Variants in GPR161 observed in about 807,000 individuals in gnomAD.
GPR161 encodes G protein-coupled receptor 161, also known as G-protein coupled receptor RE2.
Under a neutral mutation model 39.2 loss-of-function variants are expected in GPR161, and 25 were observed. The observed-to-expected ratio is 0.64, with a 90% confidence interval of 0.47 to 0.89. The LOEUF (loss-of-function observed/expected upper bound fraction) is 0.89, where lower values mean the gene tolerates loss of function less well. GPR161 is among the 40% of genes least tolerant of loss of function. GPR161 has a pLI of 0.00. For missense variants in GPR161, 547 were observed against 677.8 expected, an observed-to-expected ratio of 0.81 and a Z score of 2.14; for synonymous variants, 286 against 276.6, an observed-to-expected ratio of 1.03 and a Z score of -0.34.
chr1:168,096,451 A>G lies in GPR161; in HGVS notation c.1099+57T>C, dbSNP rs114884205. On this transcript the variant is annotated intron_variant, in intron 3 of 5. Transcript: ENST00000682931. Reference sequence around the variant, plus strand: ...ACCCACAAACAGGCCAGAGTGGCTGAGAGGACCACAGATTTCATCTGCCTC... The same window carrying G: ...ACCCACAAACAGGCCAGAGTGGCTGGGAGGACCACAGATTTCATCTGCCTC... 7,559 of 1,556,414 alleles carry G rather than the reference A, an allele frequency of 4.9e-3. 325 individuals carry two copies. In the African/African-American group the frequency reaches 0.091, roughly 19 times the overall value.
At position 168,129,200 on chromosome 1, in the gene GPR161, T is replaced by C. The variant is rs1250598260; in HGVS notation, c.-45+7539A>G. On this transcript the variant is annotated intron_variant, in intron 1 of 5. Transcript: ENST00000682931. Reference sequence around the variant, plus strand: ...CATCAGGGAAGGCTCTCCAAGGACATGACATTTGAGCAGAGACCAGAAAAT... The same window carrying C: ...CATCAGGGAAGGCTCTCCAAGGACACGACATTTGAGCAGAGACCAGAAAAT... Among the ~76,000 whole-genome samples, 6 of 152,018 alleles carry C rather than the reference T, an allele frequency of 3.9e-5. No homozygotes were observed. In the East Asian group the frequency reaches 1.2e-3, roughly 29 times the overall value.
chr1:168,082,369 T>G lies in GPR161; in HGVS notation c.*3162A>C, dbSNP rs1558075182. Reference sequence around the variant, plus strand: ...AGGGCAAAGGAATTCAAAACAAGAGTGCCCAGCCAGAGGCAAACAAGCTCT... The same window carrying G: ...AGGGCAAAGGAATTCAAAACAAGAGGGCCCAGCCAGAGGCAAACAAGCTCT... On this transcript the variant is annotated 3_prime_UTR_variant, in exon 6 of 6. Transcript: ENST00000682931. 1 of 151,966 alleles carries G rather than the reference T, an allele frequency of 6.6e-6. No homozygotes were observed. Among genetic ancestry groups the G allele is most frequent in the Non-Finnish European group, 1.5e-5 (1 of 68,012 alleles). The allele number at this position is 151,966 out of a possible 1,614,324, so 9.4% of individuals were successfully genotyped here.
chr1:168,118,059 G>A (rs944370145), intron 1 of GPR161, among the ~76,000 whole-genome samples: 3 of 152,210 alleles, frequency 2.0e-5, no homozygotes, highest in African/African-American at 7.2e-5. Context: ...TCAAGTCACA[G>A]ATGACCCTGG....
intron 5 of GPR161, among the ~76,000 whole-genome samples, chr1:168,086,650 G>A (rs1694525961): frequency 6.6e-6 from 1 of 152,236 alleles, no homozygotes; most frequent in Admixed American, 6.5e-5. Flanking sequence ...GATGGGGCAA[G>A]TGTGGCCCTA....
intron 2 of GPR161, among the ~76,000 whole-genome samples, chr1:168,100,553 T>A (rs1376121855): frequency 6.6e-6 from 1 of 152,218 alleles, no homozygotes; most frequent in Non-Finnish European, 1.5e-5. Flanking sequence ...TGAAAAGTTG[T>A]AATGTGGGAA....
chr1:168,130,084 G>C (rs952413403), intron 1 of GPR161, among the ~76,000 whole-genome samples: 1 of 152,072 alleles, frequency 6.6e-6, no homozygotes, highest in Non-Finnish European at 1.5e-5. Context: ...TACCAGTCTT[G>C]CTTACCTGCT....
At chr1:168,132,850 T>A (rs1699105588) in intron 1 of GPR161, among the ~76,000 whole-genome samples, 1 of 152,122 alleles carries the variant, frequency 6.6e-6, no homozygotes, top group African/African-American at 2.4e-5. Flanking sequence ...GTTCAAGCGA[T>A]TCTCCTGCCT....
At chr1:168,093,705 G>T (rs1236703437) in intron 3 of GPR161, among the ~76,000 whole-genome samples, 1 of 152,206 alleles carries the variant, frequency 6.6e-6, no homozygotes, top group African/African-American at 2.4e-5. Flanking sequence ...TTCAGAATCT[G>T]CTGCAGATCA....
chr1:168,133,033 C>T (rs758310574), intron 1 of GPR161, among the ~76,000 whole-genome samples: 5 of 152,340 alleles, frequency 3.3e-5, no homozygotes, highest in Non-Finnish European at 7.3e-5. Context: ...GCGTGAGCCA[C>T]TGCGCCCAGC....
intron 1 of GPR161, among the ~76,000 whole-genome samples, chr1:168,121,685 A>T (rs540887726): frequency 6.6e-5 from 10 of 152,196 alleles, no homozygotes; most frequent in Non-Finnish European, 1.0e-4. Context: ...AGCTTTAGCA[A>T]CCTGAAGATT....
chr1:168,112,551 T>C (rs947970522), intron 1 of GPR161, among the ~76,000 whole-genome samples: 6 of 130,422 alleles, frequency 4.6e-5, no homozygotes, highest in Admixed American at 7.4e-5. Flanking sequence ...TTAATCTAAG[T>C]AGGAACAATA....
chr1:168,136,250 T>C, intron 1 of GPR161: 1 of 1,368,836 alleles, frequency 7.3e-7, no homozygotes, highest in Non-Finnish European at 9.5e-7. Flanking sequence ...GGGAGAAGGC[T>C]GCTCACCTGG....
intron 1 of GPR161, among the ~76,000 whole-genome samples, chr1:168,108,383 T>C (rs993994391): frequency 2.7e-5 from 4 of 148,904 alleles, no homozygotes; most frequent in Non-Finnish European, 5.9e-5. Context: ...TTGCACACCC[T>C]TGGCCCAGCA....
chr1:168,115,932 C>T (rs552095456), intron 1 of GPR161, among the ~76,000 whole-genome samples: 50 of 152,116 alleles, frequency 3.3e-4, no homozygotes, highest in African/African-American at 9.9e-4. Flanking sequence ...CCCGCCACCA[C>T]GCCCGGCTAA....
At chr1:168,107,219 AT>A (rs1696693760) in intron 1 of GPR161, among the ~76,000 whole-genome samples, 2 of 152,230 alleles carry the variant, frequency 1.3e-5, no homozygotes, top group South Asian at 4.1e-4. Context: ...TTAAAAAAAA[AT>A]CAAGAGAAAA....
chr1:168,097,324 G>C (rs1207113887), intron 2 of GPR161, 92 bp from the exon 3 acceptor site: 1 of 1,361,050 alleles, frequency 7.3e-7, no homozygotes, highest in African/African-American at 1.5e-5. Context: ...TGACTGGGTT[G>C]GATGTTTCTA....
intron 1 of GPR161, among the ~76,000 whole-genome samples, chr1:168,105,211 C>A (rs1388278364): frequency 5.3e-5 from 8 of 152,162 alleles, no homozygotes; most frequent in Admixed American, 5.2e-4. Context: ...GAAAGCTGAT[C>A]CTTGAGCTCC....
At position 168,081,553 on chromosome 1, in the gene GPR161, AC is replaced by A. The variant is rs1411426187; in HGVS notation, c.*3977del. On this transcript the variant is annotated 3_prime_UTR_variant, in exon 6 of 6. Coordinates refer to ENST00000682931, the MANE Select transcript of GPR161 (RefSeq NM_001375883.1). ...CCAGACAGTCACCCTGTGACGGAGG[AC>A]TCCCTCAATCCTGTGTGTCTCCACA... The A allele has an allele frequency of 1.3e-5, 2 of 152,062 alleles. No homozygotes were observed. The highest frequency in any genetic ancestry group is 4.8e-5 in the African/African-American group (2 of 41,370). The allele number at this position is 152,062 out of a possible 1,614,324, so 9.4% of individuals were successfully genotyped here.
chr1:168,115,234 G>A (rs1697525929), intron 1 of GPR161, among the ~76,000 whole-genome samples: 1 of 152,180 alleles, frequency 6.6e-6, no homozygotes, highest in Non-Finnish European at 1.5e-5. Flanking sequence ...ACATAAGACA[G>A]TCACTTTTTT....
Sources: gnomAD v4.1 joint callset for allele counts (sites outside exome capture counted in the v4.1 genomes callset) on GRCh38, gnomAD v4.1.1 for gene constraint, MANE v1.5 for transcripts, NCBI Gene and HGNC (gene_info 2026-07-23, HGNC 2026-07-21) for gene names.